Variants in GNAQ observed in about 807,000 individuals in gnomAD.
GNAQ encodes the protein G protein subunit alpha q.
A neutral mutation model predicts 43.9 loss-of-function variants in GNAQ; 8 were observed. The ratio of observed to expected loss-of-function variants is 0.18; its 90% CI spans 0.11 to 0.33. The LOEUF (loss-of-function observed/expected upper bound fraction) is 0.33. GNAQ is among the 10% of genes least tolerant of loss of function. The probability of loss-of-function intolerance (pLI) is 1.00; values close to 1 mark genes in which losing one functional copy is unlikely to be tolerated. For synonymous variants in GNAQ, 155 were observed against 170.7 expected, an observed-to-expected ratio of 0.91 and a Z score of 0.71; for missense variants, 158 against 450.8, an observed-to-expected ratio of 0.35 and a Z score of 5.88.
chr9:77,911,285 C>T (rs747292130), intron 2 of GNAQ, among the ~76,000 whole-genome samples: 1 of 152,146 alleles, frequency 6.6e-6, no homozygotes, highest in Non-Finnish European at 1.5e-5. Context: ...TAATGCTGGA[C>T]GTCCATCAGT....
At chr9:78,021,899 C>A (rs906090585) in intron 1 of GNAQ, among the ~76,000 whole-genome samples, 1 of 152,240 alleles carries the variant, frequency 6.6e-6, no homozygotes, top group African/African-American at 2.4e-5. Context: ...TGGAACACTG[C>A]GTCTCTCGGG....
intron 2 of GNAQ, among the ~76,000 whole-genome samples, chr9:77,873,460 G>A (rs1244045295): frequency 6.6e-6 from 1 of 152,160 alleles, no homozygotes; most frequent in Non-Finnish European, 1.5e-5. Flanking sequence ...AGCATATATA[G>A]GAATCCAATC....
chr9:77,737,086 T>G lies in GNAQ; in HGVS notation c.736-8419A>C, dbSNP rs563362423. ...TAAGGGTTACTTACTGAGCTGAGAG[T>G]CAGGTATTTAACGGTTTGTGTATTC... On this transcript the variant is annotated intron_variant, in intron 5 of 6. Coordinates refer to ENST00000286548, the MANE Select transcript of GNAQ (RefSeq NM_002072.5). Among the ~76,000 whole-genome samples the G allele has an allele frequency of 2.0e-5, 3 of 152,306 alleles. No individual in the cohort carries two copies. The South Asian group carries it at 6.2e-4, about 32-fold the overall frequency.
Position 77,718,822 on chromosome 9 carries a change from G to C in GNAQ, c.*2501C>G, listed in dbSNP as rs1404871675. On this transcript the variant is annotated 3_prime_UTR_variant, in exon 7 of 7. Transcript: ENST00000286548. The stretch of plus-strand genomic sequence containing the variant: ...CTAGCTGTTAAAACATTTCCTTAGT[G>C]GATCACAATAGCTTCTAAAACTGCC... 9.7e-6 allele frequency: 2 copies of C among 206,484 alleles called. No individual in the cohort carries two copies. Among genetic ancestry groups the C allele is most frequent in the South Asian group, 2.1e-4 (1 of 4,836 alleles). 12.8% of individuals were successfully genotyped at this position (206,484 alleles called of 1,614,324 possible).
intron 1 of GNAQ, among the ~76,000 whole-genome samples, chr9:78,015,253 T>C (rs948967847): frequency 8.5e-5 from 13 of 152,316 alleles, no homozygotes; most frequent in Admixed American, 2.0e-4. Context: ...CTGGGAACAA[T>C]AGGCTTTACC....
At chr9:77,809,744 T>C (rs1826888857) in intron 3 of GNAQ, among the ~76,000 whole-genome samples, 2 of 152,232 alleles carry the variant, frequency 1.3e-5, no homozygotes, top group Non-Finnish European at 2.9e-5. Context: ...TTGAGTCATC[T>C]GATTACTTAC....
At chr9:78,026,989 T>C (rs1303522095) in intron 1 of GNAQ, among the ~76,000 whole-genome samples, 1 of 152,092 alleles carries the variant, frequency 6.6e-6, no homozygotes, top group African/African-American at 2.4e-5. Context: ...TGGAGAAAAA[T>C]GTATGGTAAA....
intron 5 of GNAQ, among the ~76,000 whole-genome samples, chr9:77,769,432 T>G (rs1328695267): frequency 6.6e-6 from 1 of 150,712 alleles, no homozygotes. Context: ...AGAACTAATC[T>G]GCCAAACATT....
At chr9:77,967,812 T>C (rs1823187646) in intron 1 of GNAQ, among the ~76,000 whole-genome samples, 1 of 152,098 alleles carries the variant, frequency 6.6e-6, no homozygotes, top group Non-Finnish European at 1.5e-5. Flanking sequence ...AAACCTCATG[T>C]CTACTAAAAA....
At chr9:77,728,990 C>A (rs1825443496) in intron 5 of GNAQ, among the ~76,000 whole-genome samples, 1 of 152,144 alleles carries the variant, frequency 6.6e-6, no homozygotes, top group Admixed American at 6.5e-5. Flanking sequence ...AAATTCCCAT[C>A]AAAAATCATT....
intron 1 of GNAQ, among the ~76,000 whole-genome samples, chr9:77,948,140 C>A (rs1822927814): frequency 1.3e-5 from 2 of 152,188 alleles, no homozygotes; most frequent in South Asian, 4.2e-4. Flanking sequence ...TTCAAAACGG[C>A]ATAAATGTTT....
At chr9:78,001,586 C>A (rs976432055) in intron 1 of GNAQ, among the ~76,000 whole-genome samples, 1 of 141,532 alleles carries the variant, frequency 7.1e-6, no homozygotes, top group Non-Finnish European at 1.6e-5. Flanking sequence ...CTTCTTTGTA[C>A]TTTTTTTTTT....
chr9:77,732,453 C>A (rs1825509897), intron 5 of GNAQ, among the ~76,000 whole-genome samples: 2 of 151,656 alleles, frequency 1.3e-5, no homozygotes, highest in South Asian at 4.2e-4. Context: ...GCAACCTCTG[C>A]CTCCTGAGTT....
intron 1 of GNAQ, among the ~76,000 whole-genome samples, chr9:77,972,654 G>A (rs1823250462): frequency 6.6e-6 from 1 of 151,862 alleles, no homozygotes; most frequent in Non-Finnish European, 1.5e-5. Flanking sequence ...TAAATAAAAG[G>A]ACAAGATTTC....
At chr9:77,747,014 A>G (rs1356133108) in intron 5 of GNAQ, among the ~76,000 whole-genome samples, 1 of 152,174 alleles carries the variant, frequency 6.6e-6, no homozygotes, top group East Asian at 1.9e-4. Context: ...AAACTTAAAA[A>G]AAGATATACT....
chr9:77,895,754 A>AC (rs1212348899), intron 2 of GNAQ, among the ~76,000 whole-genome samples: 2 of 152,136 alleles, frequency 1.3e-5, no homozygotes, highest in Admixed American at 1.3e-4. Flanking sequence ...ACCTGGTGGG[A>AC]GATGACTGAA....
chr9:78,031,566 A>T lies in GNAQ; in HGVS notation c.-331T>A, dbSNP rs1172998055. 6.7e-6 allele frequency: 1 copy of T among 149,362 alleles called. No individual in the cohort carries two copies. Among genetic ancestry groups the T allele is most frequent in the Non-Finnish European group, 1.5e-5 (1 of 67,960 alleles). 9.3% of individuals were successfully genotyped at this position (149,362 alleles called of 1,614,324 possible). ...CGCCCGCGCCTCCTTCCCCGGGAAC[A>T]GGCGGCCCGCCTCGCCCCCCGAGCC... On this transcript the variant is annotated 5_prime_UTR_variant, in exon 1 of 7. Transcript: ENST00000286548.
rs148324443 is a variant in GNAQ at position 77,895,889 on chromosome 9, A to G, written c.321+26272T>C. ...CTCTGTCTGCTGCCATCCACGTAAG[A>G]TATGATTTGCTTCTCCTTGCCTTCC... is the stretch of plus-strand genomic sequence containing the variant. On this transcript the variant is annotated intron_variant, in intron 2 of 6. Coordinates refer to ENST00000286548, the MANE Select transcript of GNAQ (RefSeq NM_002072.5). Among the ~76,000 whole-genome samples, 250 of 152,178 alleles carry G rather than the reference A, an allele frequency of 1.6e-3. 1 individual carries two copies. The highest frequency in any genetic ancestry group is 2.9e-3 in the Admixed American group (45 of 15,290).
chr9:78,025,019 A>G (rs1823959287), intron 1 of GNAQ, among the ~76,000 whole-genome samples: 1 of 152,210 alleles, frequency 6.6e-6, no homozygotes, highest in South Asian at 2.1e-4. Context: ...AAGGTTAACA[A>G]CAGAGCTGTA....
Sources: gnomAD v4.1 joint callset for allele counts (sites outside exome capture counted in the v4.1 genomes callset) on GRCh38, gnomAD v4.1.1 for gene constraint, MANE v1.5 for transcripts, NCBI Gene and HGNC (gene_info 2026-07-23, HGNC 2026-07-21) for gene names.